KCNIP4: variants seen among roughly 807,000 people sequenced by gnomAD.
The protein encoded by KCNIP4 is potassium voltage-gated channel interacting protein 4.
Under a neutral mutation model 34.0 loss-of-function variants are expected in KCNIP4, and 12 were observed. The observed-to-expected ratio is 0.35, with a 90% confidence interval of 0.23 to 0.57. The LOEUF (loss-of-function observed/expected upper bound fraction) is 0.57, where lower values mean the gene tolerates loss of function less well. Ranked by LOEUF, KCNIP4 falls within the 20% of genes least tolerant of loss-of-function variation. The probability of loss-of-function intolerance (pLI) is 0.83; values close to 1 mark genes in which losing one functional copy is unlikely to be tolerated. For synonymous variants in KCNIP4, 124 were observed against 102.2 expected (o/e 1.21, Z -1.29); for missense variants, 238 against 311.7 (o/e 0.76, Z 1.78).
intron 1 of KCNIP4, among the ~76,000 whole-genome samples, chr4:21,324,101 T>C (rs899463158): frequency 2.6e-5 from 4 of 152,032 alleles, no homozygotes; most frequent in African/African-American, 7.2e-5. Context: ...TATTATCAGA[T>C]TTTTTTCCTA....
At chr4:21,945,686 G>A (rs1730473558) in intron 1 of KCNIP4, among the ~76,000 whole-genome samples, 1 of 148,780 alleles carries the variant, frequency 6.7e-6, no homozygotes, top group Non-Finnish European at 1.5e-5. Flanking sequence ...TAATTTTGTA[G>A]TTTTTTTTTT....
At chr4:20,829,050 A>G (rs112568723) in intron 3 of KCNIP4, among the ~76,000 whole-genome samples, 165 of 152,314 alleles carry the variant, frequency 1.1e-3, no homozygotes, top group Non-Finnish European at 1.7e-3. Context: ...ATATAAAATT[A>G]GAGAAGATAC....
At chr4:21,356,793 C>A (rs1403177416) in intron 1 of KCNIP4, among the ~76,000 whole-genome samples, 1 of 152,178 alleles carries the variant, frequency 6.6e-6, no homozygotes, top group Non-Finnish European at 1.5e-5. Context: ...CAATGACTTT[C>A]TTCACAGAAT....
chr4:21,593,488 C>T (rs948397426), intron 1 of KCNIP4, among the ~76,000 whole-genome samples: 1 of 152,016 alleles, frequency 6.6e-6, no homozygotes, highest in Non-Finnish European at 1.5e-5. Context: ...GCCGTCTGTA[C>T]CACATTTGCC....
rs377562727 is a variant in KCNIP4, at chr4:21,147,939, C to CAAAAAAAA, written c.62-265238_62-265231dup. Among the ~76,000 whole-genome samples the CAAAAAAAA allele has an allele frequency of 9.3e-3, 285 of 30,654 alleles. 1 individual carries two copies. The highest frequency in any genetic ancestry group is 0.013 in the African/African-American group (107 of 8,538). 20.1% of individuals were successfully genotyped at this position (30,654 alleles called of 152,430 possible). On this transcript the variant is annotated intron_variant, in intron 1 of 8. Coordinates refer to ENST00000382152, the MANE Select transcript of KCNIP4 (RefSeq NM_025221.6). ...GGACAACAAAAGTGAAACTCCGTCT[C>CAAAAAAAA]AAAAAAAAAAAAAAAAAAAAAGAAA...
intron 1 of KCNIP4, among the ~76,000 whole-genome samples, chr4:21,225,672 T>C (rs1758325163): frequency 6.6e-6 from 1 of 152,184 alleles, no homozygotes. Flanking sequence ...GCAATAATCA[T>C]GGTGCATAGC....
intron 1 of KCNIP4, among the ~76,000 whole-genome samples, chr4:21,221,614 T>C (rs963732182): frequency 6.6e-6 from 1 of 152,056 alleles, no homozygotes; most frequent in African/African-American, 2.4e-5. Flanking sequence ...GTCTCTCCCT[T>C]GACATGTGGA....
chr4:21,180,868 G>C (rs1443687686), intron 1 of KCNIP4, among the ~76,000 whole-genome samples: 4 of 151,662 alleles, frequency 2.6e-5, no homozygotes, highest in African/African-American at 7.3e-5. Context: ...ATTATGAAGT[G>C]ATTATATAGT....
At chr4:21,004,744 T>C (rs1486871496) in intron 1 of KCNIP4, among the ~76,000 whole-genome samples, 1 of 152,156 alleles carries the variant, frequency 6.6e-6, no homozygotes, top group Non-Finnish European at 1.5e-5. Flanking sequence ...AAAAGTGACT[T>C]CATTTTTGCA....
At chr4:20,921,731 A>G (rs1298280510) in intron 1 of KCNIP4, among the ~76,000 whole-genome samples, 1 of 152,226 alleles carries the variant, frequency 6.6e-6, no homozygotes, top group African/African-American at 2.4e-5. Context: ...TTGTGTGTGT[A>G]TGGTTCTGCA....
chr4:21,304,026 C>G, intron 1 of KCNIP4: 3 of 257,408 alleles, frequency 1.2e-5, no homozygotes, highest in East Asian at 1.9e-4. Context: ...AGGAGGAGAG[C>G]GTATGAGAGA....
At chr4:21,781,128 G>A (rs955343645) in intron 1 of KCNIP4, among the ~76,000 whole-genome samples, 2 of 152,142 alleles carry the variant, frequency 1.3e-5, no homozygotes, top group African/African-American at 4.8e-5. Flanking sequence ...ACATGTTGAG[G>A]GAGGGAAGTG....
At chr4:21,808,752 G>T (rs971958640) in intron 1 of KCNIP4, among the ~76,000 whole-genome samples, 17 of 152,106 alleles carry the variant, frequency 1.1e-4, no homozygotes, top group Non-Finnish European at 1.0e-4. Context: ...TTCTCTCCAG[G>T]TTTATTCTCT....
intron 3 of KCNIP4, among the ~76,000 whole-genome samples, chr4:20,817,515 A>C (rs1716558569): frequency 6.6e-6 from 1 of 152,108 alleles, no homozygotes; most frequent in South Asian, 2.1e-4. Flanking sequence ...TTCCTGAATC[A>C]AATATCACCT....
At chr4:21,188,651 G>A (rs942414338) in intron 1 of KCNIP4, among the ~76,000 whole-genome samples, 2 of 152,178 alleles carry the variant, frequency 1.3e-5, no homozygotes, top group African/African-American at 4.8e-5. Context: ...TACTCTTTGA[G>A]AGATGAACTC....
At chr4:21,939,768 T>C (rs775401755) in intron 1 of KCNIP4, among the ~76,000 whole-genome samples, 4 of 152,116 alleles carry the variant, frequency 2.6e-5, no homozygotes, top group South Asian at 2.1e-4. Context: ...TTTATGAAAG[T>C]AGATGATATG....
intron 1 of KCNIP4, among the ~76,000 whole-genome samples, chr4:21,132,853 CAAAAA>C (rs71189683): frequency 0.068 from 7,889 of 116,678 alleles, 666 homozygotes; most frequent in African/African-American, 0.22. Flanking sequence ...TACTAAACGA[CAAAAA>C]AAAAAAAAAA....
chr4:21,107,136 C>G, intron 1 of KCNIP4, among the ~76,000 whole-genome samples: 1 of 146,964 alleles, frequency 6.8e-6, no homozygotes, highest in Non-Finnish European at 1.5e-5. Flanking sequence ...GAGCTGAGTT[C>G]AATTCCTGGG....
At chr4:21,277,042 C>A (rs6829880) in intron 1 of KCNIP4, among the ~76,000 whole-genome samples, 8,878 of 152,098 alleles carry the variant, frequency 0.058, 835 homozygotes, top group African/African-American at 0.2. Flanking sequence ...AGGACTTCAG[C>A]CTTTTTATTG....
Sources: gnomAD v4.1 joint callset for allele counts (sites outside exome capture counted in the v4.1 genomes callset) on GRCh38, gnomAD v4.1.1 for gene constraint, MANE v1.5 for transcripts, NCBI Gene and HGNC (gene_info 2026-07-23, HGNC 2026-07-21) for gene names.